MDGA1: variants seen among roughly 807,000 people sequenced by gnomAD.
MDGA1 encodes MAM domain containing glycosylphosphatidylinositol anchor 1, also known as MAM domain-containing glycosylphosphatidylinositol anchor protein 1.
MDGA1 carries 54 observed loss-of-function variants against 101.5 expected under a neutral mutation model. That is an observed-to-expected ratio of 0.53 (90% CI 0.43 to 0.67). MDGA1 has a LOEUF of 0.67. MDGA1 is among the 30% of genes least tolerant of loss of function. MDGA1 has a pLI of 0.00. For missense variants in MDGA1, 1,083 were observed against 1,323.8 expected (o/e 0.82, Z 2.82); for synonymous variants, 533 against 558.3 (o/e 0.95, Z 0.64).
rs61046567 is a variant in MDGA1, at chr6:37,664,600, T to TACACACACACACACACACACACAC, written c.68-518_68-495dup. Among the ~76,000 whole-genome samples, 168 of 118,200 alleles carry TACACACACACACACACACACACAC rather than the reference T, an allele frequency of 1.4e-3. 5 individuals are homozygous for TACACACACACACACACACACACAC. The highest frequency in any genetic ancestry group is 2.7e-3 in the African/African-American group (83 of 30,386). The allele number at this position is 118,200 out of a possible 152,430, so 77.5% of individuals were successfully genotyped here. A position where few individuals can be genotyped will look rare whatever the true frequency, so the allele number is the denominator to read the frequency against. ...CTAGATTACCCCCTCTCCCCCACAA[T>TACACACACACACACACACACACAC]ACACACACACACACACACACACACA... On this transcript the variant is annotated intron_variant, in intron 1 of 16. Transcript: ENST00000434837.
At chr6:37,684,790 C>T (rs1202042406) in intron 1 of MDGA1, among the ~76,000 whole-genome samples, 1 of 152,158 alleles carries the variant, frequency 6.6e-6, no homozygotes, top group Non-Finnish European at 1.5e-5. Context: ...AAAGTGAATT[C>T]AGGTCTTGCC....
At chr6:37,660,308 A>G in intron 2 of MDGA1, among the ~76,000 whole-genome samples, 1 of 151,780 alleles carries the variant, frequency 6.6e-6, no homozygotes. Flanking sequence ...GAGCCACTGC[A>G]CCTGGTCCTT....
chr6:37,675,743 T>C (rs1482672874), intron 1 of MDGA1, among the ~76,000 whole-genome samples: 1 of 152,162 alleles, frequency 6.6e-6, no homozygotes, highest in Non-Finnish European at 1.5e-5. Flanking sequence ...GGGTTACTCA[T>C]TGTTACTCAT....
At position 37,661,575 on chromosome 6, in the gene MDGA1, C is replaced by T. The variant is rs144847103; in HGVS notation, c.207+2392G>A. Among the ~76,000 whole-genome samples the T allele has an allele frequency of 1.5e-3, 222 of 152,242 alleles. 3 individuals are homozygous for T. Among genetic ancestry groups the T allele is most frequent in the African/African-American group, 4.5e-3 (189 of 41,540 alleles). ...TGAAACAAGCAAAAAAACTAGAAGGCATTTTAGGAGAGGCAAGCAACTTTG... is the reference window on the plus strand; with the variant it reads ...TGAAACAAGCAAAAAAACTAGAAGGTATTTTAGGAGAGGCAAGCAACTTTG... On this transcript the variant is annotated intron_variant, in intron 2 of 16. Coordinates refer to ENST00000434837, the MANE Select transcript of MDGA1 (RefSeq NM_153487.4).
chr6:37,637,646 G>T (rs1183934210), intron 16 of MDGA1, among the ~76,000 whole-genome samples, 187 bp from the exon 17 acceptor site: 2 of 152,110 alleles, frequency 1.3e-5, no homozygotes, highest in Non-Finnish European at 1.5e-5. Flanking sequence ...TGGGGTGGGG[G>T]TTAGCTCAGC....
chr6:37,692,691 C>G (rs939779731), intron 1 of MDGA1, among the ~76,000 whole-genome samples: 1 of 152,008 alleles, frequency 6.6e-6, no homozygotes, highest in African/African-American at 2.4e-5. Flanking sequence ...CCTTCCCCCC[C>G]AGCCTGTCCC....
intron 11 of MDGA1, 105 bp downstream of exon 11, chr6:37,646,093 G>T (rs764886384): frequency 6.4e-7 from 1 of 1,558,138 alleles, no homozygotes; most frequent in Non-Finnish European, 8.8e-7. Context: ...TGACAAGGTA[G>T]TACACGGTGG....
At chr6:37,672,396 C>T (rs1173267011) in intron 1 of MDGA1, among the ~76,000 whole-genome samples, 4 of 151,888 alleles carry the variant, frequency 2.6e-5, no homozygotes, top group Admixed American at 6.6e-5. Context: ...GCCATGATTG[C>T]ACACTGCACT....
In MDGA1 at chr6:37,646,213, T is replaced by C. The variant is rs1195590642; in HGVS notation, c.2209A>G (p.Ile737Val). 1 of 1,584,614 alleles carries C rather than the reference T, an allele frequency of 6.3e-7. No homozygotes were observed. Among genetic ancestry groups the C allele is most frequent in the East Asian group, 2.3e-5 (1 of 44,406 alleles). Residue 737 changes from isoleucine to valine, a missense_variant, in exon 11 of 17, where the codon ATC becomes GTC. Around this residue, in one of 3 missense-constraint regions of MDGA1, gnomAD observed 657 missense variants for 771.4 expected, o/e 0.85. Coordinates refer to ENST00000434837, the MANE Select transcript of MDGA1 (RefSeq NM_153487.4). ...FGAGDMASRIIHYTEPINSPN... is the reference protein window; with the variant it reads ...FGAGDMASRIVHYTEPINSPN... ...TGTCACCTACGCTCTGTGTAGTGGA[T>C]GATGCGGGAGGCCATGTCACCAGCC... is the stretch of plus-strand genomic sequence containing the variant.
At chr6:37,644,827 C>T (rs1761148519) in intron 12 of MDGA1, among the ~76,000 whole-genome samples, 178 bp from the exon 13 acceptor site, 1 of 152,238 alleles carries the variant, frequency 6.6e-6, no homozygotes, top group Non-Finnish European at 1.5e-5. Flanking sequence ...AACAAGACTT[C>T]TTAACCCTTT....
rs34087406 is a variant in MDGA1, at chr6:37,658,968, C to CAAAAAAAAA, written c.208-558_208-550dup. Among the ~76,000 whole-genome samples the CAAAAAAAAA allele has an allele frequency of 1.7e-3, 185 of 109,444 alleles. 3 individuals are homozygous for CAAAAAAAAA. Among genetic ancestry groups the CAAAAAAAAA allele is most frequent in the African/African-American group, 4.7e-3 (117 of 24,632 alleles). The allele number at this position is 109,444 out of a possible 152,430, so 71.8% of individuals were successfully genotyped here. ...CCTGGGCAACGGAGCAAGACTGTTTCAAAAAAAAAAAAAAAAAAAAAGACT... is the reference window on the plus strand; with the variant it reads ...CCTGGGCAACGGAGCAAGACTGTTTCAAAAAAAAAAAAAAAAAAAAAAAAAAAAAAGACT... On this transcript the variant is annotated intron_variant, in intron 2 of 16. Transcript: ENST00000434837.
intron 8 of MDGA1, chr6:37,649,896 G>C (rs1327420341): frequency 4.1e-6 from 3 of 727,158 alleles, no homozygotes; most frequent in African/African-American, 1.7e-5. Context: ...CCGGGTCCCT[G>C]AAAATGAAGA....
intron 1 of MDGA1, among the ~76,000 whole-genome samples, chr6:37,682,321 C>G (rs1762113191): frequency 6.6e-6 from 1 of 152,156 alleles, no homozygotes. Flanking sequence ...CCGGTCTCTA[C>G]TAGAAATACA....
At chr6:37,677,087 G>T (rs1417045378) in intron 1 of MDGA1, among the ~76,000 whole-genome samples, 1 of 152,134 alleles carries the variant, frequency 6.6e-6, no homozygotes, top group African/African-American at 2.4e-5. Context: ...GTAAAGTTCT[G>T]CATAGAGCAG....
chr6:37,678,791 G>A (rs1465599575), intron 1 of MDGA1, among the ~76,000 whole-genome samples: 1 of 149,266 alleles, frequency 6.7e-6, no homozygotes, highest in African/African-American at 2.5e-5. Flanking sequence ...GTTTAAGACA[G>A]CCCGCCCGCC....
intron 1 of MDGA1, among the ~76,000 whole-genome samples, chr6:37,681,940 A>G (rs1036626959): frequency 3.3e-5 from 5 of 152,218 alleles, no homozygotes; most frequent in African/African-American, 7.2e-5. Context: ...AGCTCCTCCT[A>G]GTATCCCTTG....
rs1011562690 is a variant in MDGA1, at chr6:37,637,219, C to T, written c.*149G>A. 106 of 621,128 alleles carry T rather than the reference C, an allele frequency of 1.7e-4. No individual in the cohort carries two copies. The East Asian group carries it at 2.9e-3, about 17-fold the overall frequency. 38.5% of individuals were successfully genotyped at this position (621,128 alleles called of 1,614,324 possible). ...AGTGCCTGGCCTCTGTCCTTGTTCT[C>T]TGCTCATCCTTGCAGCCAATGCAGG... is the stretch of plus-strand genomic sequence containing the variant. On this transcript the variant is annotated 3_prime_UTR_variant, in exon 17 of 17. Transcript: ENST00000434837.
Position 37,666,038 on chromosome 6 carries a change from G to A in MDGA1, c.68-1932C>T, listed in dbSNP as rs184956606. ...TATTAGGATGGCTACCCCATAGAAC[G>A]CAATCCTCTATAAGAAATAAAGCTC... On this transcript the variant is annotated intron_variant, in intron 1 of 16. Transcript: ENST00000434837. Among the ~76,000 whole-genome samples, 10 of 152,062 alleles carry A rather than the reference G, an allele frequency of 6.6e-5. No individual in the cohort carries two copies. In the East Asian group the frequency reaches 7.7e-4, roughly 12 times the overall value.
chr6:37,645,012 CTAAT>C (rs1486102428), intron 12 of MDGA1, among the ~76,000 whole-genome samples: 1 of 152,116 alleles, frequency 6.6e-6, no homozygotes, highest in African/African-American at 2.4e-5. Flanking sequence ...TCTTTATTAT[CTAAT>C]TAAATCACAA....
Sources: allele counts gnomAD v4.1 joint callset (sites outside exome capture counted in the v4.1 genomes callset), GRCh38; gene constraint gnomAD v4.1.1; regional missense constraint gnomAD v4.1.1; transcripts MANE v1.5; gene names NCBI Gene and HGNC (gene_info 2026-07-23, HGNC 2026-07-21).